Variants in INSL6 observed in about 807,000 individuals in gnomAD.
INSL6 encodes insulin like 6, also known as insulin-like peptide INSL6.
In INSL6, 16 loss-of-function variants were observed where a neutral mutation model predicts 9.4. That is an observed-to-expected ratio of 1.70 (90% CI 1.15 to 2.59). INSL6 has a LOEUF of 2.59. INSL6 is among the 30% of genes most tolerant of loss of function. The pLI is 0.00. For missense variants in INSL6, 391 were observed against 257.3 expected, an observed-to-expected ratio of 1.52 and a Z score of -3.56; for synonymous variants, 154 against 96.9, an observed-to-expected ratio of 1.59 and a Z score of -3.46.
the INSL6 span, among the ~76,000 whole-genome samples, chr9:5,056,344 T>A: frequency 1.3e-5 from 2 of 152,250 alleles, no homozygotes; most frequent in Admixed American, 1.3e-4. Flanking sequence ...ATTTTATACT[T>A]TGCTCTTAAG....
At chr9:5,093,735 A>G in the INSL6 span, among the ~76,000 whole-genome samples, 1 of 152,292 alleles carries the variant, frequency 6.6e-6, no homozygotes, top group African/African-American at 2.4e-5. Flanking sequence ...TACCCTAGGG[A>G]TAACAGTGCA....
the INSL6 span, among the ~76,000 whole-genome samples, chr9:5,115,962 T>TG: frequency 6.6e-6 from 1 of 151,942 alleles, no homozygotes; most frequent in Non-Finnish European, 1.5e-5. Context: ...ATGTAGTTGA[T>TG]GGGTTGATGG....
chr9:5,112,607 C>T, the INSL6 span: 8 of 826,202 alleles, frequency 9.7e-6, no homozygotes, highest in African/African-American at 7.1e-5. Flanking sequence ...GGAGCTGGGG[C>T]GCATGTGGCA....
chr9:5,182,386 C>T (rs1825476960), intron 1 of INSL6, among the ~76,000 whole-genome samples: 1 of 151,510 alleles, frequency 6.6e-6, no homozygotes, highest in African/African-American at 2.4e-5. Context: ...CAACAATTGC[C>T]AAGGAGAGGA....
the INSL6 span, chr9:5,080,484 G>T: frequency 6.5e-6 from 10 of 1,538,370 alleles, no homozygotes; most frequent in Non-Finnish European, 7.9e-6. Flanking sequence ...AAAGAAGGTT[G>T]GTGTGGCATT....
At chr9:5,112,591 T>A in the INSL6 span, 3 of 752,922 alleles carry the variant, frequency 4.0e-6, no homozygotes, top group South Asian at 2.1e-5. Flanking sequence ...TTAAGAGGGC[T>A]CTTAAGGAGC....
chr9:5,111,658 G>C, the INSL6 span: 1 of 402,164 alleles, frequency 2.5e-6, no homozygotes, highest in Non-Finnish European at 4.8e-6. Flanking sequence ...CGTCCCTCCC[G>C]CCCAGCAGCG....
chr9:5,009,008 A>C, the INSL6 span, among the ~76,000 whole-genome samples: 1 of 152,050 alleles, frequency 6.6e-6, no homozygotes, highest in Non-Finnish European at 1.5e-5. Context: ...GTATTATTCA[A>C]CTCTTTCACT....
the INSL6 span, among the ~76,000 whole-genome samples, chr9:5,106,651 A>G: frequency 1.3e-5 from 2 of 152,252 alleles, no homozygotes; most frequent in Non-Finnish European, 2.9e-5. Context: ...GAACCAACCC[A>G]AATGCCCATC....
chr9:5,034,249 T>G, the INSL6 span, among the ~76,000 whole-genome samples: 1 of 152,074 alleles, frequency 6.6e-6, no homozygotes, highest in Non-Finnish European at 1.5e-5. Context: ...AGCAAGTCCT[T>G]AGAGACCTAC....
the INSL6 span, among the ~76,000 whole-genome samples, chr9:5,116,231 A>C: frequency 6.6e-6 from 1 of 152,212 alleles, no homozygotes; most frequent in African/African-American, 2.4e-5. Context: ...TGACTAGTAA[A>C]TCACTGGACC....
chr9:5,080,065 G>A, the INSL6 span, among the ~76,000 whole-genome samples: 1 of 152,106 alleles, frequency 6.6e-6, no homozygotes, highest in African/African-American at 2.4e-5. Context: ...GTCCCTTCTG[G>A]TTCTTAAGCT....
At chr9:5,039,057 T>C in the INSL6 span, among the ~76,000 whole-genome samples, 2 of 152,150 alleles carry the variant, frequency 1.3e-5, no homozygotes, top group African/African-American at 4.8e-5. Context: ...GTCATACTTA[T>C]TAGTGAAAGA....
chr9:5,087,523 T>TTCTA, the INSL6 span, among the ~76,000 whole-genome samples: 1 of 151,962 alleles, frequency 6.6e-6, no homozygotes. Context: ...CCTTCTGGTT[T>TTCTA]TCTATCTTAA....
the INSL6 span, among the ~76,000 whole-genome samples, chr9:5,088,840 C>T: frequency 6.6e-6 from 1 of 152,014 alleles, no homozygotes; most frequent in Non-Finnish European, 1.5e-5. Flanking sequence ...AGAGTTCCAC[C>T]CTTATAACCT....
the INSL6 span, among the ~76,000 whole-genome samples, chr9:5,019,795 T>C: frequency 6.6e-6 from 1 of 152,204 alleles, no homozygotes; most frequent in African/African-American, 2.4e-5. Flanking sequence ...AGATTTTTTT[T>C]CCTTTGTAAA....
the INSL6 span, among the ~76,000 whole-genome samples, chr9:5,006,759 C>T: frequency 5.9e-5 from 9 of 152,184 alleles, no homozygotes; most frequent in African/African-American, 1.9e-4. Flanking sequence ...CTCACCAGGC[C>T]ACTCCTCTAA....
chr9:5,007,970 C>T, the INSL6 span, among the ~76,000 whole-genome samples: 1 of 152,018 alleles, frequency 6.6e-6, no homozygotes, highest in African/African-American at 2.4e-5. Context: ...CTCAAATGAT[C>T]CCCCCGCCTC....
the INSL6 span, among the ~76,000 whole-genome samples, chr9:5,032,859 G>A: frequency 1.3e-3 from 202 of 152,330 alleles, 1 homozygote; most frequent in African/African-American, 4.2e-3. Context: ...CCAAAGGAAC[G>A]CAGCTCCTTA....
Sources: allele counts gnomAD v4.1 joint callset (sites outside exome capture counted in the v4.1 genomes callset), GRCh38; gene constraint gnomAD v4.1.1; transcripts MANE v1.5; gene names NCBI Gene and HGNC (gene_info 2026-07-23, HGNC 2026-07-21).